Variants in GHR observed in about 807,000 individuals in gnomAD.
The protein encoded by GHR is GH receptor.
A neutral mutation model predicts 67.1 loss-of-function variants in GHR; 35 were observed. The ratio of observed to expected loss-of-function variants is 0.52; its 90% CI spans 0.40 to 0.69. The LOEUF is 0.69. GHR is among the 30% of genes least tolerant of loss of function. The pLI, the probability that GHR is intolerant of heterozygous loss-of-function variation, is 0.00. For synonymous variants in GHR, 272 were observed against 269.1 expected (o/e 1.01, Z -0.10); for missense variants, 792 against 764.6 (o/e 1.04, Z -0.42).
intron 2 of GHR, among the ~76,000 whole-genome samples, chr5:42,585,443 CTAGA>C (rs35893186): frequency 0.64 from 96,814 of 151,790 alleles, 32,665 homozygotes; most frequent in East Asian, 0.83. Context: ...GCATGTCTGA[CTAGA>C]TAGCTAAAGG....
chr5:42,480,902 C>T (rs1371531062), intron 1 of GHR, among the ~76,000 whole-genome samples: 3 of 152,136 alleles, frequency 2.0e-5, no homozygotes, highest in Admixed American at 1.3e-4. Flanking sequence ...AAGTTAATAT[C>T]ATTATGTGTG....
At chr5:42,634,120 CTCTT>C (rs760073124) in intron 3 of GHR, among the ~76,000 whole-genome samples, 1 of 151,732 alleles carries the variant, frequency 6.6e-6, no homozygotes, top group Non-Finnish European at 1.5e-5. Context: ...ATTTTATGAT[CTCTT>C]TGTCTTTTTT....
intron 2 of GHR, among the ~76,000 whole-genome samples, chr5:42,605,713 C>G (rs1322418353): frequency 6.6e-6 from 1 of 152,204 alleles, no homozygotes; most frequent in Non-Finnish European, 1.5e-5. Flanking sequence ...AATGGCAGGT[C>G]TCATTAGCTG....
chr5:42,429,942 AT>A, intron 1 of GHR, among the ~76,000 whole-genome samples: 1 of 152,336 alleles, frequency 6.6e-6, no homozygotes, highest in Non-Finnish European at 1.5e-5. Context: ...CTGGCCTTAA[AT>A]GAAGTGAAAG....
Position 42,688,682 on chromosome 5 carries a change from G to A in GHR, c.137-208G>A, listed in dbSNP as rs556435680. Among the ~76,000 whole-genome samples, 4 of 152,228 alleles carry A rather than the reference G, an allele frequency of 2.6e-5. No individual in the cohort carries two copies. The South Asian group carries it at 8.3e-4, about 32-fold the overall frequency. On this transcript the variant is annotated intron_variant, in intron 3 of 9. Transcript: ENST00000230882. Reference sequence around the variant, plus strand: ...TAAAAGGCAAAATGGTTTGTGTCTAGAATCAAAGGCTGACAATGGCAAGCA... The same window carrying A: ...TAAAAGGCAAAATGGTTTGTGTCTAAAATCAAAGGCTGACAATGGCAAGCA...
At chr5:42,493,115 C>T (rs185123421) in intron 1 of GHR, among the ~76,000 whole-genome samples, 140 of 152,254 alleles carry the variant, frequency 9.2e-4, no homozygotes, top group African/African-American at 3.2e-3. Context: ...GGTTACGCCT[C>T]GCAGTGGATG....
chr5:42,661,435 G>C (rs955759853), intron 3 of GHR, among the ~76,000 whole-genome samples: 3 of 152,226 alleles, frequency 2.0e-5, no homozygotes, highest in African/African-American at 7.2e-5. Context: ...CCAGAAGAGA[G>C]TGGGGGCCAA....
intron 3 of GHR, among the ~76,000 whole-genome samples, chr5:42,667,901 G>C (rs544226806): frequency 2.0e-5 from 3 of 152,164 alleles, no homozygotes; most frequent in South Asian, 4.2e-4. Context: ...TCTCCCTCAG[G>C]CTCCCAGTTC....
In GHR at chr5:42,503,546, A is replaced by C. The variant is rs570892190; in HGVS notation, c.-11-62318A>C. On this transcript the variant is annotated intron_variant, in intron 1 of 9. Transcript: ENST00000230882. ...TTTGAAGACTGTTGGTGGATTTGAC[A>C]AATATTTATCAAGAGCCTGCTATGA... is the stretch of plus-strand genomic sequence containing the variant. Among the ~76,000 whole-genome samples the C allele has an allele frequency of 2.6e-5, 4 of 152,322 alleles. No homozygotes were observed. In the South Asian group the frequency reaches 8.3e-4, roughly 32 times the overall value.
At chr5:42,646,173 C>T (rs945275208) in intron 3 of GHR, among the ~76,000 whole-genome samples, 1 of 152,102 alleles carries the variant, frequency 6.6e-6, no homozygotes, top group East Asian at 1.9e-4. Flanking sequence ...AGAACAGAGG[C>T]TTTGGGGAAG....
intron 3 of GHR, among the ~76,000 whole-genome samples, chr5:42,675,363 C>T (rs1365689455): frequency 6.6e-6 from 1 of 152,082 alleles, no homozygotes; most frequent in Non-Finnish European, 1.5e-5. Context: ...GAATAGTGTC[C>T]CCACCTTTCT....
chr5:42,689,381 T>G (rs1411415022), intron 4 of GHR, among the ~76,000 whole-genome samples: 1 of 152,166 alleles, frequency 6.6e-6, no homozygotes, highest in African/African-American at 2.4e-5. Flanking sequence ...TTTGTGTATG[T>G]GCATGAGAAT....
At chr5:42,527,116 T>A (rs1353446385) in intron 1 of GHR, among the ~76,000 whole-genome samples, 2 of 152,160 alleles carry the variant, frequency 1.3e-5, no homozygotes, top group Non-Finnish European at 2.9e-5. Context: ...TACCATCTAA[T>A]ACTAAAACAC....
At chr5:42,670,880 A>ATAT (rs58161451) in intron 3 of GHR, among the ~76,000 whole-genome samples, 2,288 of 118,124 alleles carry the variant, frequency 0.019, 25 homozygotes, top group East Asian at 0.051. Flanking sequence ...AAAAAAAAAA[A>ATAT]ATATATATAT....
chr5:42,579,471 G>A (rs932100072), intron 2 of GHR, among the ~76,000 whole-genome samples: 1 of 152,226 alleles, frequency 6.6e-6, no homozygotes. Context: ...TAGGACATGA[G>A]TTGTTAGCAT....
intron 2 of GHR, among the ~76,000 whole-genome samples, chr5:42,622,630 T>C (rs1300053858): frequency 6.6e-6 from 1 of 152,206 alleles, no homozygotes; most frequent in African/African-American, 2.4e-5. Context: ...CATGACCTCC[T>C]GTAATTGTAT....
At chr5:42,618,612 TTAAC>T (rs1197852363) in intron 2 of GHR, among the ~76,000 whole-genome samples, 1 of 152,130 alleles carries the variant, frequency 6.6e-6, no homozygotes, top group Non-Finnish European at 1.5e-5. Flanking sequence ...TAAGACATAA[TTAAC>T]TATCAGATGA....
intron 2 of GHR, among the ~76,000 whole-genome samples, chr5:42,588,467 C>T (rs564703515): frequency 1.6e-4 from 22 of 136,040 alleles, no homozygotes; most frequent in African/African-American, 4.7e-4. Context: ...TTGCTGTGAG[C>T]GAGATCGCGC....
chr5:42,549,898 G>T (rs548319591), intron 1 of GHR, among the ~76,000 whole-genome samples: 1 of 152,326 alleles, frequency 6.6e-6, no homozygotes, highest in South Asian at 2.1e-4. Flanking sequence ...GGGCTAGTTT[G>T]GAGTAAATTT....
Sources: allele counts gnomAD v4.1 joint callset (sites outside exome capture counted in the v4.1 genomes callset), GRCh38; gene constraint gnomAD v4.1.1; transcripts MANE v1.5; gene names NCBI Gene and HGNC (gene_info 2026-07-23, HGNC 2026-07-21).